The following PDE1A variants were observed in gnomAD, a reference collection of about 807,000 sequenced individuals.
PDE1A encodes dual specificity calcium/calmodulin-dependent 3',5'-cyclic nucleotide phosphodiesterase 1A.
Under a neutral mutation model 61.7 loss-of-function variants are expected in PDE1A, and 35 were observed. The observed-to-expected ratio is 0.57, with a 90% CI of 0.43 to 0.75. The LOEUF (loss-of-function observed/expected upper bound fraction) is 0.75. Among genes scored for constraint, PDE1A ranks in the 30% least tolerant of loss-of-function variants. The pLI is 0.00. For missense variants in PDE1A, 597 were observed against 630.6 expected (o/e 0.95, Z 0.57); for synonymous variants, 232 against 213.2 (o/e 1.09, Z -0.77).
the PDE1A span, among the ~76,000 whole-genome samples, chr2:182,557,592 G>A: frequency 1.3e-5 from 2 of 151,942 alleles, no homozygotes; most frequent in African/African-American, 4.8e-5. Context: ...TGCACTGGTA[G>A]TCCCAGCTAC....
upstream of PDE1A, among the ~76,000 whole-genome samples, chr2:182,526,635 G>C (rs1690777606): frequency 6.6e-6 from 1 of 152,194 alleles, no homozygotes; most frequent in Non-Finnish European, 1.5e-5. Flanking sequence ...CTATGAGTTT[G>C]ATTAAACTTA....
the PDE1A span, among the ~76,000 whole-genome samples, chr2:182,560,604 G>C: frequency 1.3e-5 from 2 of 152,042 alleles, no homozygotes; most frequent in Non-Finnish European, 2.9e-5. Flanking sequence ...GGGTCAAATG[G>C]TATTTCTAGT....
At chr2:182,381,280 A>G (rs562597885) in intron 1 of PDE1A, among the ~76,000 whole-genome samples, 1 of 151,810 alleles carries the variant, frequency 6.6e-6, no homozygotes. Flanking sequence ...GAGGAAGGGG[A>G]GCTTTCTATC....
the PDE1A span, among the ~76,000 whole-genome samples, chr2:182,695,725 C>T: frequency 6.7e-6 from 1 of 149,558 alleles, no homozygotes; most frequent in Non-Finnish European, 1.5e-5. Context: ...AAAAGATAAG[C>T]CACAACTGGG....
In PDE1A at chr2:182,331,515, C is replaced by A. The variant is rs540445330; in HGVS notation, c.54-67101G>T. Among the ~76,000 whole-genome samples the A allele has an allele frequency of 2.6e-5, 4 of 152,290 alleles. 1 individual carries two copies. The highest frequency in any genetic ancestry group is 9.6e-5 in the African/African-American group (4 of 41,564). ...TTTTCCTTTCCATATTTAGTGCTTC[C>A]TTCAGGAGCTCTTGTAAGGCAAACC... On this transcript the variant is annotated intron_variant, in intron 1 of 13. Transcript: ENST00000351439.
intron 1 of PDE1A, among the ~76,000 whole-genome samples, chr2:182,345,709 C>T (rs1698479437): frequency 6.6e-6 from 1 of 152,122 alleles, no homozygotes; most frequent in South Asian, 2.1e-4. Flanking sequence ...ACTCTTCCCC[C>T]AGGTTCTGTG....
intron 2 of PDE1A, among the ~76,000 whole-genome samples, chr2:182,501,664 A>G (rs1211900035): frequency 6.6e-6 from 1 of 152,232 alleles, no homozygotes. Flanking sequence ...TTTAAGAAGA[A>G]AAGGTCACTG....
At chr2:182,577,990 A>G in the PDE1A span, among the ~76,000 whole-genome samples, 2,377 of 137,504 alleles carry the variant, frequency 0.017, 120 homozygotes, top group African/African-American at 0.064. Context: ...GGAAGGAAGG[A>G]AGGGACGGAG....
intron 2 of PDE1A, among the ~76,000 whole-genome samples, chr2:182,467,432 A>G (rs1446344417): frequency 6.6e-6 from 1 of 151,964 alleles, no homozygotes; most frequent in East Asian, 1.9e-4. Flanking sequence ...CAAAAGGAAA[A>G]CATTGGACCC....
chr2:182,436,340 T>G (rs533621081), intron 2 of PDE1A, among the ~76,000 whole-genome samples: 1 of 152,142 alleles, frequency 6.6e-6, no homozygotes, highest in African/African-American at 2.4e-5. Context: ...TTCTATGACA[T>G]GCCATAGTTA....
At chr2:182,427,657 A>G (rs1366293385), upstream of PDE1A, among the ~76,000 whole-genome samples, 3 of 152,188 alleles carry the variant, frequency 2.0e-5, no homozygotes, top group African/African-American at 7.2e-5. Flanking sequence ...AAAATAAATG[A>G]TATTAAAAAT....
At chr2:182,647,903 GC>G in the PDE1A span, among the ~76,000 whole-genome samples, 6 of 149,274 alleles carry the variant, frequency 4.0e-5, no homozygotes, top group Non-Finnish European at 8.9e-5. Flanking sequence ...AGAGAAAGAT[GC>G]CCAAATTTAC....
At chr2:182,338,776 C>T (rs1698002267) in intron 1 of PDE1A, among the ~76,000 whole-genome samples, 1 of 152,158 alleles carries the variant, frequency 6.6e-6, no homozygotes, top group South Asian at 2.1e-4. Flanking sequence ...CCCGCCTCGG[C>T]CTGCCAAAGT....
chr2:182,299,764 G>T (rs989120825), intron 1 of PDE1A, among the ~76,000 whole-genome samples: 1 of 152,060 alleles, frequency 6.6e-6, no homozygotes, highest in African/African-American at 2.4e-5. Flanking sequence ...AAGCAGTTCA[G>T]ATTCACATGA....
intron 1 of PDE1A, among the ~76,000 whole-genome samples, chr2:182,327,521 GT>G (rs1697122756): frequency 6.6e-6 from 1 of 152,188 alleles, no homozygotes; most frequent in Non-Finnish European, 1.5e-5. Context: ...ATCAACAGAA[GT>G]CATTGAGATG....
chr2:182,663,598 C>T, the PDE1A span, among the ~76,000 whole-genome samples: 20 of 152,244 alleles, frequency 1.3e-4, no homozygotes, highest in East Asian at 1.7e-3. Flanking sequence ...CTCATGTTCT[C>T]ACTTATAAGT....
chr2:182,148,332 C>T (rs966070618), intron 13 of PDE1A, among the ~76,000 whole-genome samples: 2 of 152,130 alleles, frequency 1.3e-5, no homozygotes, highest in African/African-American at 4.8e-5. Flanking sequence ...GCTTGCTCTC[C>T]CTCCACTGGC....
the PDE1A span, among the ~76,000 whole-genome samples, chr2:182,625,115 T>C: frequency 6.6e-6 from 1 of 152,192 alleles, no homozygotes; most frequent in Non-Finnish European, 1.5e-5. Flanking sequence ...GCTGCTTCTC[T>C]CTGCCATGTG....
chr2:182,514,224 G>A (rs1297770172), intron 2 of PDE1A, among the ~76,000 whole-genome samples: 1 of 152,160 alleles, frequency 6.6e-6, no homozygotes, highest in African/African-American at 2.4e-5. Context: ...TGGGTAGGAA[G>A]AATCAACATT....
Sources: allele counts gnomAD v4.1 joint callset (sites outside exome capture counted in the v4.1 genomes callset), GRCh38; gene constraint gnomAD v4.1.1; transcripts MANE v1.5; gene names NCBI Gene and HGNC (gene_info 2026-07-23, HGNC 2026-07-21).